The following HEATR1 variants were observed in gnomAD, a reference collection of about 807,000 sequenced individuals.
The protein encoded by HEATR1 is HEAT repeat containing 1.
In HEATR1, 77 loss-of-function variants were observed where a neutral mutation model predicts 248.2. The observed-to-expected ratio is 0.31, with a 90% CI of 0.26 to 0.37. The LOEUF is 0.37. Ranked by LOEUF, HEATR1 falls within the 10% of genes least tolerant of loss-of-function variation. HEATR1 has a pLI of 1.00. For missense variants in HEATR1, 2,420 were observed against 2,504.9 expected, an observed-to-expected ratio of 0.97 and a Z score of 0.72; for synonymous variants, 897 against 923.1, an observed-to-expected ratio of 0.97 and a Z score of 0.51.
At position 236,555,605 on chromosome 1, in the gene HEATR1, T is replaced by C; in HGVS notation, c.5700A>G (p.Leu1900=). ...GKTENCIIDC[L]VAMVVKLSEV... ...CGGAAAGTTTGACAACCATGGCTAC[T>C]AGACAGTCAATGATACAATTTTCCG... Residue 1900 remains leucine (L), a synonymous_variant, in exon 40 of 45, where the codon CTA becomes CTG. Coordinates refer to ENST00000366582, the MANE Select transcript of HEATR1 (RefSeq NM_018072.6). The C allele has an allele frequency of 6.2e-7, 1 of 1,614,216 alleles. No individual in the cohort carries two copies. Among genetic ancestry groups the C allele is most frequent in the South Asian group, 1.1e-5 (1 of 91,080 alleles).
intron 22 of HEATR1, among the ~76,000 whole-genome samples, chr1:236,575,761 T>C (rs1663547974): frequency 1.3e-5 from 2 of 152,358 alleles, no homozygotes; most frequent in South Asian, 4.1e-4. Context: ...GTTTCACAAC[T>C]GCTTTCTTTT....
intron 9 of HEATR1, among the ~76,000 whole-genome samples, chr1:236,593,511 T>G (rs900382397): frequency 6.9e-6 from 1 of 145,298 alleles, no homozygotes; most frequent in African/African-American, 2.6e-5. Flanking sequence ...CTGGAAGTGG[T>G]AGGCGCAGAA....
chr1:236,556,710 C>T (rs914126196), intron 37 of HEATR1, among the ~76,000 whole-genome samples: 2 of 152,190 alleles, frequency 1.3e-5, no homozygotes, highest in Non-Finnish European at 2.9e-5. Flanking sequence ...ATGATCAACA[C>T]AATGGAACAG....
chr1:236,576,492 T>C (rs1663564914), intron 21 of HEATR1, 115 bp from the exon 22 acceptor site: 4 of 847,146 alleles, frequency 4.7e-6, no homozygotes, highest in Non-Finnish European at 7.0e-6. Flanking sequence ...TAATTTTCCA[T>C]TTCTCCTTAA....
chr1:236,564,854 A>T (rs1663228441), intron 31 of HEATR1, among the ~76,000 whole-genome samples, 193 bp from the exon 32 acceptor site: 1 of 152,210 alleles, frequency 6.6e-6, no homozygotes, highest in Admixed American at 6.5e-5. Flanking sequence ...CCAAGAAAGT[A>T]CCCAGTGGCC....
chr1:236,578,788 G>A (rs981831455), intron 20 of HEATR1, among the ~76,000 whole-genome samples: 1 of 152,160 alleles, frequency 6.6e-6, no homozygotes, highest in East Asian at 1.9e-4. Flanking sequence ...TTTAAATAAA[G>A]AATCTGGAAG....
Position 236,576,848 on chromosome 1 carries a change from A to G in HEATR1, c.2857T>C (p.Tyr953His), listed in dbSNP as rs1169102935. The G allele has an allele frequency of 6.2e-7, 1 of 1,614,002 alleles. No individual in the cohort carries two copies. The highest frequency in any genetic ancestry group is 8.5e-7 in the Non-Finnish European group (1 of 1,179,952). ...GAAATCAAATGATCTATTATCAGAT[A>G]AAACGGGGATGCCACTCCACTGAGG... is the stretch of plus-strand genomic sequence containing the variant. ...QALSGVASPF[Y>H]LIIDHLISKA... is the part of the protein sequence containing the mutation. Residue 953 changes from tyrosine to histidine, a missense_variant, in exon 21 of 45, where the codon TAT becomes CAT. By Grantham distance (83) the Tyr-to-His change is moderately conservative (BLOSUM62 2). Transcript: ENST00000366582.
intron 28 of HEATR1, among the ~76,000 whole-genome samples, chr1:236,569,587 C>T (rs1212694420): frequency 2.6e-5 from 4 of 152,120 alleles, no homozygotes; most frequent in Admixed American, 2.6e-4. Context: ...AATATAAGCA[C>T]AAATACTACT....
chr1:236,590,285 T>C (rs1264939671), intron 12 of HEATR1, among the ~76,000 whole-genome samples: 1 of 152,130 alleles, frequency 6.6e-6, no homozygotes, highest in Non-Finnish European at 1.5e-5. Flanking sequence ...TGGAGAGCAG[T>C]GGCGTGATCA....
intron 5 of HEATR1, 102 bp downstream of exon 5, chr1:236,597,776 T>C: frequency 1.5e-6 from 1 of 689,532 alleles, no homozygotes; most frequent in Non-Finnish European, 2.4e-6. Context: ...AATAAATTTA[T>C]CCAAAGTATC....
intron 16 of HEATR1, 27 bp downstream of exon 16, chr1:236,585,793 G>C (rs751228765): frequency 8.1e-6 from 13 of 1,605,196 alleles, no homozygotes; most frequent in Non-Finnish European, 2.6e-6. Context: ...AAGAAATCCA[G>C]GGGGTGGACT....
chr1:236,573,536 ATTT>A (rs56276595), intron 24 of HEATR1, among the ~76,000 whole-genome samples: 2 of 150,720 alleles, frequency 1.3e-5, no homozygotes, highest in African/African-American at 4.9e-5. Context: ...CCAAGGAATT[ATTT>A]TTTTTTTTAC....
chr1:236,587,616 A>G lies in HEATR1; in HGVS notation c.1627-126T>C, dbSNP rs543529008. On this transcript the variant is annotated intron_variant, in intron 13 of 44. Transcript: ENST00000366582. ...CTCCCAGGAATCCTAGTACAAATTAAAAGTTTTAAGATCTATTTCTCAAAA... is the reference window on the plus strand; with the variant it reads ...CTCCCAGGAATCCTAGTACAAATTAGAAGTTTTAAGATCTATTTCTCAAAA... The G allele has an allele frequency of 4.3e-5, 20 of 469,446 alleles. No individual in the cohort carries two copies. The East Asian group carries it at 4.7e-4, about 11-fold the overall frequency. The allele number at this position is 469,446 out of a possible 1,614,324, so 29.1% of individuals were successfully genotyped here.
chr1:236,570,516 G>A (rs533730521), intron 28 of HEATR1, among the ~76,000 whole-genome samples: 1 of 152,206 alleles, frequency 6.6e-6, no homozygotes, highest in South Asian at 2.1e-4. Context: ...AAGAGTGACA[G>A]TTAATGGGTG....
intron 9 of HEATR1, among the ~76,000 whole-genome samples, chr1:236,593,709 A>G (rs1281935976): frequency 1.3e-5 from 2 of 152,142 alleles, no homozygotes; most frequent in East Asian, 3.9e-4. Context: ...GTTATTTCAG[A>G]TATTATGGTC....
At chr1:236,583,915 C>A (rs1375051966) in intron 17 of HEATR1, among the ~76,000 whole-genome samples, 4 of 152,126 alleles carry the variant, frequency 2.6e-5, no homozygotes, top group Non-Finnish European at 5.9e-5. Context: ...TCCAAACCTG[C>A]AGATGATTTT....
chr1:236,604,394 C>G, intron 1 of HEATR1, 28 bp downstream of exon 1: 1 of 286,484 alleles, frequency 3.5e-6, no homozygotes, highest in Middle Eastern at 9.5e-4. Context: ...CCATCCGCAG[C>G]CACATCAAGC....
At chr1:236,577,154 C>T (rs1229202703) in intron 20 of HEATR1, among the ~76,000 whole-genome samples, 1 of 151,894 alleles carries the variant, frequency 6.6e-6, no homozygotes, top group Non-Finnish European at 1.5e-5. Context: ...CAAGAGCATA[C>T]TATAAACTCT....
In HEATR1 at chr1:236,582,770, A is replaced by G. The variant is rs1321316442; in HGVS notation, c.2528T>C (p.Val843Ala). 6.2e-7 allele frequency: 1 copy of G among 1,614,184 alleles called. No individual in the cohort carries two copies. Among genetic ancestry groups the G allele is most frequent in the South Asian group, 1.1e-5 (1 of 91,072 alleles). The change falls in exon 19 of 45, where the codon GTT (valine) becomes GCT (alanine). Residue 843 changes from valine to alanine, a missense_variant. Coordinates refer to ENST00000366582, the MANE Select transcript of HEATR1 (RefSeq NM_018072.6). ...AAGTTTCATCAGAACTCTGAAATGA[A>G]CAGCATCGGCACCATTGAGCATCAT... is the stretch of plus-strand genomic sequence containing the variant. ...FEMMLNGADA[V>A]HFRVLMKLFI...
Sources: allele counts gnomAD v4.1 joint callset (sites outside exome capture counted in the v4.1 genomes callset), GRCh38; gene constraint gnomAD v4.1.1; transcripts MANE v1.5; gene names NCBI Gene and HGNC (gene_info 2026-07-23, HGNC 2026-07-21).